The following TBX15 variants were observed in gnomAD, a reference collection of about 807,000 sequenced individuals.
The protein encoded by TBX15 is T-box transcription factor 15, also known as T-box transcription factor TBX15.
In TBX15, 18 loss-of-function variants were observed where a neutral mutation model predicts 53.9. The ratio of observed to expected loss-of-function variants is 0.33; its 90% CI spans 0.23 to 0.49. TBX15 has a LOEUF of 0.49. Ranked by LOEUF, TBX15 falls within the 20% of genes least tolerant of loss-of-function variation. The pLI is 0.98. For missense variants in TBX15, 692 were observed against 749.5 expected (o/e 0.92, Z 0.90); for synonymous variants, 295 against 278.0 (o/e 1.06, Z -0.61).
intron 3 of TBX15, among the ~76,000 whole-genome samples, chr1:118,925,780 G>A (rs1450995040): frequency 6.6e-6 from 1 of 152,144 alleles, no homozygotes; most frequent in Non-Finnish European, 1.5e-5. Context: ...ACTAGTCCTG[G>A]CCTTTTTCAT....
intron 1 of TBX15, among the ~76,000 whole-genome samples, chr1:118,965,674 G>A (rs971436558): frequency 6.6e-5 from 10 of 152,100 alleles, no homozygotes; most frequent in Non-Finnish European, 1.2e-4. Flanking sequence ...CTGAAGGCTC[G>A]TCAAAATAGG....
intron 1 of TBX15, among the ~76,000 whole-genome samples, chr1:118,983,027 T>TC (rs1657698260): frequency 1.3e-5 from 2 of 152,130 alleles, no homozygotes; most frequent in Admixed American, 1.3e-4. Context: ...GGTTTGTGCT[T>TC]CCCCAGCGGG....
intron 7 of TBX15, among the ~76,000 whole-genome samples, chr1:118,898,096 A>G (rs923086054): frequency 6.6e-6 from 1 of 152,216 alleles, no homozygotes; most frequent in African/African-American, 2.4e-5. Context: ...ACTTTTCCAA[A>G]TAATGCAGAC....
chr1:118,895,315 A>G (rs574445627), intron 7 of TBX15, among the ~76,000 whole-genome samples: 150 of 152,304 alleles, frequency 9.8e-4, no homozygotes, highest in Middle Eastern at 3.4e-3. Context: ...CCACAGATGG[A>G]AAGTTGGCAG....
chr1:118,894,203 G>T (rs1367299888), intron 7 of TBX15, among the ~76,000 whole-genome samples: 1 of 152,168 alleles, frequency 6.6e-6, no homozygotes, highest in Non-Finnish European at 1.5e-5. Context: ...GAGAGAACGA[G>T]GGGAGGTGAT....
At chr1:118,933,985 T>A (rs954949270) in intron 1 of TBX15, among the ~76,000 whole-genome samples, 1 of 152,088 alleles carries the variant, frequency 6.6e-6, no homozygotes, top group Non-Finnish European at 1.5e-5. Context: ...AGGAAAGGTA[T>A]CACTACACTA....
At chr1:118,930,006 G>A (rs1655727607) in intron 2 of TBX15, among the ~76,000 whole-genome samples, 2 of 152,162 alleles carry the variant, frequency 1.3e-5, no homozygotes, top group South Asian at 2.1e-4. Context: ...CAACGAAAAA[G>A]AGATGATATT....
Position 118,884,914 on chromosome 1 carries a change from G to C in TBX15, c.1627C>G (p.Leu543Val). The C allele has an allele frequency of 1.9e-6, 3 of 1,614,224 alleles. 1 individual carries two copies. The highest frequency in any genetic ancestry group is 2.2e-5 in the South Asian group (2 of 91,088). ...EKLSASQSTLLCSSPSNGAFG... is the reference protein window; with the variant it reads ...EKLSASQSTLVCSSPSNGAFG... ...GCCCCGTTGGAAGGAGAAGAACAGAGTAAAGTGCTTTGAGAGGCGCTCAGT... is the reference window on the plus strand; with the variant it reads ...GCCCCGTTGGAAGGAGAAGAACAGACTAAAGTGCTTTGAGAGGCGCTCAGT... Residue 543 changes from leucine (L) to valine (V), a missense_variant, in exon 8 of 8, where the codon CTC becomes GTC. Transcript: ENST00000369429.
intron 6 of TBX15, among the ~76,000 whole-genome samples, chr1:118,910,322 C>T (rs962156626): frequency 2.6e-5 from 4 of 152,212 alleles, no homozygotes; most frequent in Non-Finnish European, 5.9e-5. Flanking sequence ...GGTACATTTA[C>T]ATGCAACTCA....
In TBX15 at chr1:118,884,573, A is replaced by G. The variant is rs1454908042; in HGVS notation, c.*159T>C. 1.2e-6 allele frequency: 1 copy of G among 852,788 alleles called. No homozygotes were observed. Among genetic ancestry groups the G allele is most frequent in the Non-Finnish European group, 1.8e-6 (1 of 567,524 alleles). The allele number at this position is 852,788 out of a possible 1,614,324, so 52.8% of individuals were successfully genotyped here. A position where few individuals can be genotyped will look rare whatever the true frequency, so the allele number is the denominator to read the frequency against. On this transcript the variant is annotated 3_prime_UTR_variant, in exon 8 of 8. Transcript: ENST00000369429. ...AAGTATCCTTCACTGGCTTAAAGGT[A>G]TCTCTTGTTCTTGGGTATATGTCTT...
At chr1:118,928,165 C>T (rs1489238251) in intron 2 of TBX15, among the ~76,000 whole-genome samples, 3 of 152,152 alleles carry the variant, frequency 2.0e-5, no homozygotes, top group Non-Finnish European at 4.4e-5. Context: ...GGCTAATATC[C>T]CCTGGCAGTA....
At chr1:118,934,763 C>T (rs1655910031) in intron 1 of TBX15, among the ~76,000 whole-genome samples, 1 of 152,234 alleles carries the variant, frequency 6.6e-6, no homozygotes, top group African/African-American at 2.4e-5. Context: ...GGCTAGAACA[C>T]TCCTGGGGAA....
At chr1:118,923,733 C>T in intron 4 of TBX15, 130 bp from the exon 5 acceptor site, 1 of 1,113,890 alleles carries the variant, frequency 9.0e-7, no homozygotes, top group Non-Finnish European at 1.3e-6. Context: ...GTACAGAAAA[C>T]TAGAAATCAG....
intron 1 of TBX15, among the ~76,000 whole-genome samples, chr1:118,955,006 G>C (rs2101664147): frequency 6.6e-6 from 1 of 152,246 alleles, no homozygotes; most frequent in South Asian, 2.1e-4. Flanking sequence ...ACCCACAAAG[G>C]GAGTGTGAAG....
At chr1:118,983,390 A>C (rs774677856) in intron 1 of TBX15, among the ~76,000 whole-genome samples, 1 of 152,182 alleles carries the variant, frequency 6.6e-6, no homozygotes, top group Admixed American at 6.5e-5. Context: ...GGAGTTTTAC[A>C]TAGAATGTCT....
intron 2 of TBX15, among the ~76,000 whole-genome samples, chr1:118,929,396 A>C (rs1373616300): frequency 6.6e-6 from 1 of 152,230 alleles, no homozygotes; most frequent in Non-Finnish European, 1.5e-5. Flanking sequence ...ATGAGTGAGA[A>C]GCAAGAAATT....
chr1:118,938,993 T>A (rs1334225404), intron 1 of TBX15, among the ~76,000 whole-genome samples: 1 of 152,056 alleles, frequency 6.6e-6, no homozygotes, highest in Non-Finnish European at 1.5e-5. Flanking sequence ...CAATAGTAGA[T>A]TGGATAAAGA....
chr1:118,950,103 T>C (rs1169620290), intron 1 of TBX15, among the ~76,000 whole-genome samples: 4 of 152,188 alleles, frequency 2.6e-5, no homozygotes, highest in Non-Finnish European at 5.9e-5. Flanking sequence ...CTTGATAAAA[T>C]TCTGGCTACA....
intron 1 of TBX15, among the ~76,000 whole-genome samples, chr1:118,958,326 T>C (rs1656759516): frequency 6.6e-6 from 1 of 152,224 alleles, no homozygotes; most frequent in South Asian, 2.1e-4. Context: ...CTGCTGTACC[T>C]TGACCTGGGA....
Sources: gnomAD v4.1 joint callset for allele counts (sites outside exome capture counted in the v4.1 genomes callset) on GRCh38, gnomAD v4.1.1 for gene constraint, MANE v1.5 for transcripts, NCBI Gene and HGNC (gene_info 2026-07-23, HGNC 2026-07-21) for gene names.